Variants in PDE3A observed in about 807,000 individuals in gnomAD.
PDE3A encodes the protein cGMP-inhibited 3',5'-cyclic phosphodiesterase 3A.
In PDE3A, 43 loss-of-function variants were observed where a neutral mutation model predicts 98.3. The observed-to-expected ratio is 0.44, with a 90% CI of 0.34 to 0.56. The LOEUF is 0.56. Among genes scored for constraint, PDE3A ranks in the 20% least tolerant of loss-of-function variants. PDE3A has a pLI of 0.01. For missense variants in PDE3A, 1,427 were observed against 1,440.7 expected (o/e 0.99, Z 0.15); for synonymous variants, 663 against 567.9 (o/e 1.17, Z -2.38).
intron 1 of PDE3A, among the ~76,000 whole-genome samples, chr12:20,509,133 C>G (rs544744713): frequency 2.0e-5 from 3 of 152,124 alleles, no homozygotes; most frequent in African/African-American, 7.2e-5. Context: ...TTACGTCTAA[C>G]AAACAGGCCA....
rs1565526591 is a variant in PDE3A, at chr12:20,369,443, G to T, written c.159G>T (p.Gln53His). 1.3e-6 allele frequency: 2 copies of T among 1,555,534 alleles called. No homozygotes were observed. The highest frequency in any genetic ancestry group is 1.7e-6 in the Non-Finnish European group (2 of 1,150,572). ...GCTGCTGGGGAGACCTGGTGCTGCA[G>T]CCGCTCCGGAGCTCTCGGAAACTTT... ...CRGCWGDLVL[Q>H]PLRSSRKLSS... The change falls in exon 1 of 16, where the codon CAG becomes CAT. Residue 53 changes from glutamine (Q) to histidine (H), a missense_variant. Gln to His is a conservative substitution (Grantham distance 24). Transcript: ENST00000359062.
chr12:20,642,920 T>C (rs1175072770), intron 10 of PDE3A, among the ~76,000 whole-genome samples: 1 of 152,192 alleles, frequency 6.6e-6, no homozygotes, highest in Non-Finnish European at 1.5e-5. Context: ...AAATTTTAAA[T>C]ACAAAATATA....
At chr12:20,605,299 C>CTCAG (rs747890103) in intron 2 of PDE3A, among the ~76,000 whole-genome samples, 13 of 152,100 alleles carry the variant, frequency 8.5e-5, no homozygotes, top group Non-Finnish European at 1.3e-4. Flanking sequence ...TTGTGATCTA[C>CTCAG]TCAGTGTACA....
intron 15 of PDE3A, among the ~76,000 whole-genome samples, chr12:20,663,413 C>T (rs1170552921): frequency 6.6e-6 from 1 of 152,112 alleles, no homozygotes; most frequent in African/African-American, 2.4e-5. Context: ...GGAAAAGCCA[C>T]AGGCAGTCAA....
intron 15 of PDE3A, among the ~76,000 whole-genome samples, chr12:20,669,623 A>G (rs1236319216): frequency 2.6e-5 from 4 of 152,060 alleles, no homozygotes; most frequent in Non-Finnish European, 4.4e-5. Context: ...AAGGAGAAAT[A>G]AAATACTTTA....
chr12:20,450,023 T>TA (rs1288888258), intron 1 of PDE3A: 3 of 670,666 alleles, frequency 4.5e-6, no homozygotes, highest in African/African-American at 1.8e-5. Context: ...ACCTGGAAGT[T>TA]ACGGAAGTTT....
At chr12:20,417,117 A>G (rs1261236361) in intron 1 of PDE3A, among the ~76,000 whole-genome samples, 2 of 152,188 alleles carry the variant, frequency 1.3e-5, no homozygotes, top group Non-Finnish European at 2.9e-5. Context: ...GGACATTGTT[A>G]GTCTATAAGT....
chr12:20,615,850 CGAGCAACT>C (rs1344287849), intron 3 of PDE3A, among the ~76,000 whole-genome samples: 1 of 152,030 alleles, frequency 6.6e-6, no homozygotes, highest in Non-Finnish European at 1.5e-5. Context: ...CTCAGCCTCC[CGAGCAACT>C]GAGATTACAG....
chr12:20,661,228 G>C (rs945282233), intron 15 of PDE3A, among the ~76,000 whole-genome samples: 1 of 152,134 alleles, frequency 6.6e-6, no homozygotes, highest in Non-Finnish European at 1.5e-5. Context: ...GGTATCTGGT[G>C]GGAGAAATTT....
intron 15 of PDE3A, among the ~76,000 whole-genome samples, chr12:20,662,608 T>C (rs1222164895): frequency 6.6e-6 from 1 of 152,138 alleles, no homozygotes; most frequent in Non-Finnish European, 1.5e-5. Context: ...AGGGAGATGA[T>C]TTAGGGTATC....
At chr12:20,524,094 C>A (rs969057042) in intron 1 of PDE3A, among the ~76,000 whole-genome samples, 7 of 152,098 alleles carry the variant, frequency 4.6e-5, no homozygotes, top group Admixed American at 1.3e-4. Flanking sequence ...GTAGAACTAC[C>A]ATCACGGCCC....
intron 15 of PDE3A, among the ~76,000 whole-genome samples, chr12:20,655,242 A>T (rs1173090469): frequency 6.6e-6 from 1 of 152,178 alleles, no homozygotes; most frequent in Non-Finnish European, 1.5e-5. Context: ...GATAGGAAAG[A>T]TGTAAAGCAG....
At position 20,613,669 on chromosome 12, in the gene PDE3A, G is replaced by A. The variant is rs758149127; in HGVS notation, c.1238G>A (p.Ser413Asn). Residue 413 changes from serine (S) to asparagine (N), a missense_variant, in exon 3 of 16, where the codon AGC (serine) becomes AAC (asparagine). Coordinates refer to ENST00000359062, the MANE Select transcript of PDE3A (RefSeq NM_000921.5). Reference sequence around the variant, plus strand: ...TATACCTGTTCTGACTCTGAAGAGAGCTCTGAAAAAGACAAGCTTGCTATT... The same window carrying A: ...TATACCTGTTCTGACTCTGAAGAGAACTCTGAAAAAGACAAGCTTGCTATT... ...ENYTCSDSEE[S>N]SEKDKLAIPK... The A allele has an allele frequency of 3.7e-6, 6 of 1,613,878 alleles. No individual in the cohort carries two copies. The highest frequency in any genetic ancestry group is 1.1e-5 in the South Asian group (1 of 91,076).
chr12:20,493,156 A>G (rs1488192589), intron 1 of PDE3A, among the ~76,000 whole-genome samples: 1 of 152,144 alleles, frequency 6.6e-6, no homozygotes, highest in Non-Finnish European at 1.5e-5. Flanking sequence ...TTATAGATTA[A>G]TTCATTTATG....
Position 20,552,016 on chromosome 12 carries a change from G to A in PDE3A, c.961-4644G>A. 6.2e-7 allele frequency: 1 copy of A among 1,612,514 alleles called. No individual in the cohort carries two copies. The highest frequency in any genetic ancestry group is 8.5e-7 in the Non-Finnish European group (1 of 1,179,900). ...CGACGGAGCGTACTCCCTAGTCCTG[G>A]CGGGGGGCTACGAGGATGACGTGGA... On this transcript the variant is annotated intron_variant, in intron 1 of 15. Coordinates refer to ENST00000359062, the MANE Select transcript of PDE3A (RefSeq NM_000921.5). The surrounding 1 kb of genome is among the most constrained non-coding windows in gnomAD (Gnocchi z 5.1).
intron 2 of PDE3A, among the ~76,000 whole-genome samples, chr12:20,609,072 G>A (rs763793979): frequency 9.2e-5 from 14 of 151,824 alleles, no homozygotes; most frequent in Non-Finnish European, 1.8e-4. Flanking sequence ...TTTCTAAAAG[G>A]GAATGTTAGC....
intron 1 of PDE3A, among the ~76,000 whole-genome samples, chr12:20,433,098 G>A (rs1379754693): frequency 6.6e-6 from 1 of 152,114 alleles, no homozygotes; most frequent in Non-Finnish European, 1.5e-5. Context: ...TGAAGAGTGA[G>A]GAAGAATTTT....
At chr12:20,675,911 T>A (rs1945625237) in intron 15 of PDE3A, among the ~76,000 whole-genome samples, 1 of 152,242 alleles carries the variant, frequency 6.6e-6, no homozygotes, top group African/African-American at 2.4e-5. Flanking sequence ...CATAATTAAG[T>A]CATGTTCTTT....
intron 2 of PDE3A, among the ~76,000 whole-genome samples, chr12:20,597,618 A>T (rs1943497695): frequency 6.6e-6 from 1 of 152,076 alleles, no homozygotes. Flanking sequence ...GTGTTTTAGG[A>T]TCTGCACTTT....
Sources: allele counts gnomAD v4.1 joint callset (sites outside exome capture counted in the v4.1 genomes callset), GRCh38; gene constraint gnomAD v4.1.1; non-coding constraint Gnocchi (gnomAD v3.1); transcripts MANE v1.5; gene names NCBI Gene and HGNC (gene_info 2026-07-23, HGNC 2026-07-21).